The following GALNTL6 variants were observed in gnomAD, a reference collection of about 807,000 sequenced individuals.
GALNTL6 encodes polypeptide N-acetylgalactosaminyltransferase-like 6.
In GALNTL6, 46 loss-of-function variants were observed where a neutral mutation model predicts 73.7. That is an observed-to-expected ratio of 0.62 (90% CI 0.49 to 0.80). The LOEUF is 0.80. Ranked by LOEUF, GALNTL6 falls within the 30% of genes least tolerant of loss-of-function variation. GALNTL6 has a pLI of 0.00. For missense variants in GALNTL6, 604 were observed against 755.0 expected (o/e 0.80, Z 2.34); for synonymous variants, 259 against 263.7 (o/e 0.98, Z 0.17).
At chr4:171,987,392 A>G (rs1158302798) in intron 2 of GALNTL6, among the ~76,000 whole-genome samples, 3 of 152,192 alleles carry the variant, frequency 2.0e-5, no homozygotes, top group Admixed American at 1.3e-4. Context: ...GGAAGGCTAA[A>G]CTGAGGAATT....
intron 5 of GALNTL6, among the ~76,000 whole-genome samples, chr4:172,662,361 G>T (rs1731421752): frequency 6.6e-6 from 1 of 152,170 alleles, no homozygotes; most frequent in Non-Finnish European, 1.5e-5. Flanking sequence ...CATGAAGCTG[G>T]ATCTGACCTA....
intron 5 of GALNTL6, among the ~76,000 whole-genome samples, chr4:172,730,303 G>C (rs1390317251): frequency 6.6e-6 from 1 of 152,140 alleles, no homozygotes; most frequent in African/African-American, 2.4e-5. Context: ...TCCTTGTCTT[G>C]TTCCAAGTCT....
intron 2 of GALNTL6, among the ~76,000 whole-genome samples, chr4:172,082,058 G>C (rs1731897290): frequency 2.0e-5 from 3 of 151,822 alleles, no homozygotes. Flanking sequence ...CGTATTTTTA[G>C]TAAAGATGGG....
At chr4:173,024,918 A>G (rs1195320338) in intron 12 of GALNTL6, among the ~76,000 whole-genome samples, 4 of 152,144 alleles carry the variant, frequency 2.6e-5, no homozygotes, top group Non-Finnish European at 5.9e-5. Context: ...CTCTTAAGGA[A>G]TAAGATCAAT....
intron 5 of GALNTL6, among the ~76,000 whole-genome samples, chr4:172,440,944 G>A (rs1447046057): frequency 2.6e-5 from 4 of 151,932 alleles, no homozygotes; most frequent in Admixed American, 6.6e-5. Context: ...ATCTTTTTGT[G>A]TATTTATTAA....
At chr4:172,291,666 T>G (rs942051727) in intron 3 of GALNTL6, among the ~76,000 whole-genome samples, 3 of 152,050 alleles carry the variant, frequency 2.0e-5, no homozygotes, top group African/African-American at 7.2e-5. Context: ...AGGCAATTGA[T>G]GAGGGCTAAA....
At chr4:172,299,024 A>G (rs1739800321) in intron 3 of GALNTL6, among the ~76,000 whole-genome samples, 1 of 152,176 alleles carries the variant, frequency 6.6e-6, no homozygotes, top group South Asian at 2.1e-4. Flanking sequence ...GTAAGCTATT[A>G]ATTATTGCCT....
At chr4:171,905,982 A>G (rs377709663) in intron 2 of GALNTL6, among the ~76,000 whole-genome samples, 7 of 151,746 alleles carry the variant, frequency 4.6e-5, no homozygotes, top group South Asian at 4.2e-4. Context: ...TCTCTGGGAC[A>G]CATTCAAAGC....
At chr4:172,818,290 G>A (rs1252172577) in intron 7 of GALNTL6, among the ~76,000 whole-genome samples, 3 of 152,086 alleles carry the variant, frequency 2.0e-5, no homozygotes, top group Admixed American at 2.0e-4. Context: ...GCTTCCTTTT[G>A]CTAAATAGAA....
intron 7 of GALNTL6, among the ~76,000 whole-genome samples, chr4:172,853,845 A>G (rs1743972447): frequency 6.6e-6 from 1 of 152,194 alleles, no homozygotes; most frequent in African/African-American, 2.4e-5. Context: ...TATTCTATGT[A>G]GTATTGGCAA....
chr4:172,084,615 G>T (rs559091566), intron 2 of GALNTL6, among the ~76,000 whole-genome samples: 7 of 152,220 alleles, frequency 4.6e-5, no homozygotes, highest in African/African-American at 1.7e-4. Context: ...TTTGTTCTTT[G>T]TTTTTGTCTT....
chr4:172,393,272 A>C (rs1022481325), intron 5 of GALNTL6, among the ~76,000 whole-genome samples: 1 of 152,206 alleles, frequency 6.6e-6, no homozygotes, highest in Non-Finnish European at 1.5e-5. Flanking sequence ...AGAAAAAATG[A>C]GAATAAGGTA....
At chr4:172,061,603 G>T (rs541178483) in intron 2 of GALNTL6, among the ~76,000 whole-genome samples, 4 of 152,150 alleles carry the variant, frequency 2.6e-5, no homozygotes, top group Admixed American at 2.0e-4. Context: ...ATATGTGCTT[G>T]TATTATTTAT....
At chr4:171,937,509 C>T (rs957586083) in intron 2 of GALNTL6, among the ~76,000 whole-genome samples, 4 of 152,004 alleles carry the variant, frequency 2.6e-5, no homozygotes, top group South Asian at 2.1e-4. Flanking sequence ...ATGTGATATA[C>T]GTACACAGAA....
chr4:172,212,368 A>G (rs1014828757), intron 2 of GALNTL6, among the ~76,000 whole-genome samples: 4 of 151,900 alleles, frequency 2.6e-5, no homozygotes, highest in Admixed American at 6.6e-5. Context: ...CACCATGTTG[A>G]TCAGGCTGGT....
At chr4:172,096,082 T>G (rs920541482) in intron 2 of GALNTL6, among the ~76,000 whole-genome samples, 1 of 43,118 alleles carries the variant, frequency 2.3e-5, no homozygotes, top group Admixed American at 3.3e-4. Context: ...CTCTCTCTCT[T>G]TCTGTGTGTG....
At chr4:171,879,691 A>AC (rs1736383807) in intron 2 of GALNTL6, among the ~76,000 whole-genome samples, 4 of 152,184 alleles carry the variant, frequency 2.6e-5, no homozygotes, top group Non-Finnish European at 5.9e-5. Context: ...TTGTTGAGGT[A>AC]ATAGGGAAAA....
chr4:171,997,562 T>C (rs1657704552), intron 2 of GALNTL6, among the ~76,000 whole-genome samples: 1 of 152,126 alleles, frequency 6.6e-6, no homozygotes, highest in Non-Finnish European at 1.5e-5. Flanking sequence ...GTGTTGACTA[T>C]CTTGTGTGAT....
At chr4:172,253,076 G>A (rs192753516) in intron 3 of GALNTL6, among the ~76,000 whole-genome samples, 105 of 151,778 alleles carry the variant, frequency 6.9e-4, no homozygotes, top group African/African-American at 2.2e-3. Context: ...TCTAAAAAGC[G>A]GGATGATAAA....
Sources: allele counts gnomAD v4.1 joint callset (sites outside exome capture counted in the v4.1 genomes callset), GRCh38; gene constraint gnomAD v4.1.1; transcripts MANE v1.5; gene names NCBI Gene and HGNC (gene_info 2026-07-23, HGNC 2026-07-21).